NAV2: variants seen among roughly 807,000 people sequenced by gnomAD.
The protein encoded by NAV2 is neuron navigator 2.
A neutral mutation model predicts 223.2 loss-of-function variants in NAV2; 54 were observed. The ratio of observed to expected loss-of-function variants is 0.24; its 90% CI spans 0.19 to 0.30. The LOEUF (loss-of-function observed/expected upper bound fraction) is 0.30, where lower values mean the gene tolerates loss of function less well. Ranked by LOEUF, NAV2 falls within the 10% of genes least tolerant of loss-of-function variation. The pLI, the probability that NAV2 is intolerant of heterozygous loss-of-function variation, is 1.00. For synonymous variants in NAV2, 1,279 were observed against 1,239.3 expected (o/e 1.03, Z -0.67); for missense variants, 2,806 against 3,147.5 (o/e 0.89, Z 2.60).
intron 26 of NAV2, among the ~76,000 whole-genome samples, chr11:20,087,529 G>A (rs569517206): frequency 1.3e-5 from 2 of 152,302 alleles, no homozygotes; most frequent in African/African-American, 4.8e-5. Flanking sequence ...AGGAATGGTA[G>A]TTGTGGTAAG....
At chr11:19,777,556 T>C (rs1282903692) in intron 1 of NAV2, 1 of 454,722 alleles carries the variant, frequency 2.2e-6, no homozygotes, top group Non-Finnish European at 4.4e-6. Context: ...TGGGCGCTGC[T>C]CTACTTTTTA....
intron 1 of NAV2, among the ~76,000 whole-genome samples, chr11:19,771,679 C>T (rs1203026978): frequency 1.3e-5 from 2 of 152,062 alleles, no homozygotes; most frequent in Admixed American, 1.3e-4. Context: ...ATACTAAATG[C>T]AGTGGCATTT....
intron 1 of NAV2, among the ~76,000 whole-genome samples, chr11:19,653,015 T>C (rs959138151): frequency 2.6e-5 from 4 of 152,140 alleles, no homozygotes; most frequent in Non-Finnish European, 5.9e-5. Context: ...AGGCAGAGAT[T>C]GTCCAGCCAC....
intron 4 of NAV2, among the ~76,000 whole-genome samples, chr11:19,877,952 G>C (rs574101789): frequency 6.6e-6 from 1 of 152,336 alleles, no homozygotes; most frequent in Admixed American, 6.5e-5. Flanking sequence ...GGAAGCAGAA[G>C]TGGAACATGC....
At chr11:19,651,370 A>G (rs1476905371) in intron 1 of NAV2, among the ~76,000 whole-genome samples, 1 of 152,220 alleles carries the variant, frequency 6.6e-6, no homozygotes, top group Non-Finnish European at 1.5e-5. Context: ...GCCTGGGTAC[A>G]CTTCCCTTGG....
At chr11:19,572,587 C>T (rs1046403475) in intron 1 of NAV2, among the ~76,000 whole-genome samples, 10 of 152,294 alleles carry the variant, frequency 6.6e-5, no homozygotes, top group Admixed American at 5.2e-4. Context: ...AGGGCAACCC[C>T]GTCTTGTTAG....
chr11:20,111,035 C>A (rs569662463), intron 36 of NAV2, among the ~76,000 whole-genome samples: 1 of 152,280 alleles, frequency 6.6e-6, no homozygotes, highest in African/African-American at 2.4e-5. Flanking sequence ...CACAGGTACA[C>A]CCGTGCCAGG....
chr11:19,692,625 A>G (rs1328373726), intron 1 of NAV2, among the ~76,000 whole-genome samples: 1 of 152,358 alleles, frequency 6.6e-6, no homozygotes, highest in Non-Finnish European at 1.5e-5. Flanking sequence ...GCAAAATCAA[A>G]TCTTATCTAA....
At chr11:20,090,737 C>A in intron 26 of NAV2, 128 bp from the exon 27 acceptor site, 1 of 901,124 alleles carries the variant, frequency 1.1e-6, no homozygotes, top group Non-Finnish European at 1.6e-6. Flanking sequence ...GCATTGTCAC[C>A]CACAGGAAGC....
Position 19,501,927 on chromosome 11 carries a change from A to G in NAV2, c.75+150900A>G, listed in dbSNP as rs137932851. Among the ~76,000 whole-genome samples the G allele has an allele frequency of 4.6e-3, 699 of 152,220 alleles. 9 individuals are homozygous for G. The highest frequency in any genetic ancestry group is 0.022 in the East Asian group (112 of 5,176). ...GGCAGACAAAAAGATGCTGCACCCAACTGGATATAAAGCAGTTATATCCTT... is the reference window on the plus strand; with the variant it reads ...GGCAGACAAAAAGATGCTGCACCCAGCTGGATATAAAGCAGTTATATCCTT... On this transcript the variant is annotated intron_variant, in intron 1 of 37. Transcript: ENST00000360655.
chr11:19,755,930 C>T (rs892126384), intron 1 of NAV2, among the ~76,000 whole-genome samples: 4 of 152,170 alleles, frequency 2.6e-5, no homozygotes, highest in African/African-American at 4.8e-5. Flanking sequence ...AATGGTCCAG[C>T]GGCAGCAGGC....
intron 1 of NAV2, among the ~76,000 whole-genome samples, chr11:19,441,120 AG>A (rs1202440732): frequency 1.3e-5 from 2 of 152,346 alleles, no homozygotes; most frequent in East Asian, 3.9e-4. Flanking sequence ...AACTAGGTTT[AG>A]AAGGGGCAAA....
intron 1 of NAV2, among the ~76,000 whole-genome samples, chr11:19,626,238 A>T (rs1335752746): frequency 6.6e-6 from 1 of 152,068 alleles, no homozygotes; most frequent in Non-Finnish European, 1.5e-5. Flanking sequence ...GTCTGTTTTC[A>T]TTCTTTTACA....
chr11:19,937,204 ACT>A (rs2153299360), intron 7 of NAV2, among the ~76,000 whole-genome samples: 1 of 152,228 alleles, frequency 6.6e-6, no homozygotes, highest in South Asian at 2.1e-4. Flanking sequence ...ACCAGTCTTG[ACT>A]CTAAATCACT....
intron 1 of NAV2, among the ~76,000 whole-genome samples, chr11:19,573,041 C>T (rs2045469026): frequency 6.6e-6 from 1 of 152,154 alleles, no homozygotes; most frequent in Admixed American, 6.5e-5. Flanking sequence ...TTAGGAAATG[C>T]TTTGTCTTTG....
At chr11:19,504,742 A>G (rs558902783) in intron 1 of NAV2, 2 of 152,340 alleles carry the variant, frequency 1.3e-5, no homozygotes, top group East Asian at 3.9e-4. Flanking sequence ...TCTGGGGCTG[A>G]AGCAAAGCCT....
At chr11:19,703,443 G>A (rs77008873) in intron 1 of NAV2, among the ~76,000 whole-genome samples, 1 of 152,216 alleles carries the variant, frequency 6.6e-6, no homozygotes, top group African/African-American at 2.4e-5. Flanking sequence ...TGAGAGAGCC[G>A]TGGGGAGGTG....
intron 3 of NAV2, among the ~76,000 whole-genome samples, chr11:19,844,763 CTT>C (rs1309506589): frequency 6.6e-6 from 1 of 151,072 alleles, no homozygotes; most frequent in Non-Finnish European, 1.5e-5. Flanking sequence ...CTCTATAACT[CTT>C]TCAGCCATGC....
At chr11:19,934,995 C>G (rs2045718660) in intron 7 of NAV2, among the ~76,000 whole-genome samples, 1 of 152,178 alleles carries the variant, frequency 6.6e-6, no homozygotes, top group Non-Finnish European at 1.5e-5. Context: ...TGCTGCTGCT[C>G]TGTGTGATTC....
Sources: allele counts gnomAD v4.1 joint callset (sites outside exome capture counted in the v4.1 genomes callset), GRCh38; gene constraint gnomAD v4.1.1; transcripts MANE v1.5; gene names NCBI Gene and HGNC (gene_info 2026-07-23, HGNC 2026-07-21).